The following MTA3 variants were observed in gnomAD, a reference collection of about 807,000 sequenced individuals.
MTA3 encodes the protein metastasis-associated protein MTA3.
Under a neutral mutation model 83.5 loss-of-function variants are expected in MTA3, and 34 were observed. The observed-to-expected ratio is 0.41, with a 90% CI of 0.31 to 0.54. The LOEUF is 0.54. Ranked by LOEUF, MTA3 falls within the 20% of genes least tolerant of loss-of-function variation. The pLI, the probability that MTA3 is intolerant of heterozygous loss-of-function variation, is 0.33. For missense variants in MTA3, 761 were observed against 726.4 expected (o/e 1.05, Z -0.55); for synonymous variants, 303 against 252.7 (o/e 1.20, Z -1.89).
intron 4 of MTA3, among the ~76,000 whole-genome samples, chr2:42,624,568 C>T (rs1389843255): frequency 1.3e-5 from 2 of 152,264 alleles, no homozygotes; most frequent in Admixed American, 6.5e-5. Context: ...CGTTGTGATC[C>T]ACCTGCCTCG....
chr2:42,584,476 C>G (rs1428085560), intron 3 of MTA3, among the ~76,000 whole-genome samples: 1 of 151,856 alleles, frequency 6.6e-6, no homozygotes, highest in Non-Finnish European at 1.5e-5. Context: ...CTTTATCATT[C>G]TATATATAAT....
At chr2:42,651,641 C>G (rs1688724824) in intron 6 of MTA3, among the ~76,000 whole-genome samples, 1 of 151,346 alleles carries the variant, frequency 6.6e-6, no homozygotes, top group Admixed American at 6.6e-5. Context: ...ACTAAAAATA[C>G]AAAAAATTAG....
At chr2:42,611,341 C>CACACACACACCCA (rs1462110821) in intron 4 of MTA3, among the ~76,000 whole-genome samples, 2 of 149,634 alleles carry the variant, frequency 1.3e-5, no homozygotes, top group South Asian at 2.1e-4. Context: ...ACACACACAC[C>CACACACACACCCA]CCCTCACACA....
intron 1 of MTA3, 64 bp downstream of exon 1, chr2:42,568,837 G>C: frequency 8.3e-7 from 1 of 1,208,606 alleles, no homozygotes; most frequent in Non-Finnish European, 1.0e-6. Context: ...GGGCCGGGGC[G>C]AGTGCACGCC....
rs1409383624 is a variant in MTA3, at chr2:42,755,345, C to A, written c.*1946C>A. ...TCAGCTGCCAGCTTCATTTTCTCTGCCTTTTGGGAGAGGCCCTCTCACCCA... is the reference window on the plus strand; with the variant it reads ...TCAGCTGCCAGCTTCATTTTCTCTGACTTTTGGGAGAGGCCCTCTCACCCA... On this transcript the variant is annotated 3_prime_UTR_variant, in exon 17 of 17. Coordinates refer to ENST00000405094, the MANE Select transcript of MTA3 (RefSeq NM_001330442.2). The A allele has an allele frequency of 6.7e-5, 66 of 985,366 alleles. No individual in the cohort carries two copies. Among genetic ancestry groups the A allele is most frequent in the Non-Finnish European group, 7.8e-5 (65 of 830,016 alleles). 61.0% of individuals were successfully genotyped at this position (985,366 alleles called of 1,614,324 possible).
intron 3 of MTA3, among the ~76,000 whole-genome samples, chr2:42,598,721 G>A (rs921842715): frequency 6.6e-6 from 1 of 152,130 alleles, no homozygotes; most frequent in East Asian, 1.9e-4. Context: ...CTTTACAAGG[G>A]ACTCATTAAT....
chr2:42,523,534 G>GACCTAGAC (rs1558412493), intron 2 of MTA3, among the ~76,000 whole-genome samples: 3 of 152,174 alleles, frequency 2.0e-5, no homozygotes. Context: ...GCTGCCTGCC[G>GACCTAGAC]ACCTAGACGC....
intron 2 of MTA3, among the ~76,000 whole-genome samples, chr2:42,508,816 T>C (rs1405985832): frequency 1.4e-5 from 2 of 146,712 alleles, no homozygotes; most frequent in African/African-American, 4.9e-5. Context: ...AAATTATATA[T>C]GATATATATG....
At chr2:42,745,842 T>G (rs1264854601) in intron 16 of MTA3, among the ~76,000 whole-genome samples, 1 of 151,004 alleles carries the variant, frequency 6.6e-6, no homozygotes, top group Non-Finnish European at 1.5e-5. Context: ...TGAGACAGAG[T>G]CTCGCTCTGT....
chr2:42,521,688 C>T (rs1675435537), intron 2 of MTA3, among the ~76,000 whole-genome samples: 1 of 151,180 alleles, frequency 6.6e-6, no homozygotes, highest in African/African-American at 2.4e-5. Context: ...TTGAGAAGCC[C>T]TTTGTCAGAC....
At chr2:42,529,868 G>A (rs1394639536) in intron 2 of MTA3, among the ~76,000 whole-genome samples, 1 of 152,144 alleles carries the variant, frequency 6.6e-6, no homozygotes, top group Non-Finnish European at 1.5e-5. Flanking sequence ...CAGATGAGTC[G>A]GTCAGAGAGG....
intron 15 of MTA3, among the ~76,000 whole-genome samples, 156 bp downstream of exon 15, chr2:42,719,230 T>G (rs1667238279): frequency 6.6e-6 from 1 of 152,146 alleles, no homozygotes; most frequent in South Asian, 2.1e-4. Flanking sequence ...TTTCAGAAAC[T>G]TTTATTACCA....
At chr2:42,737,740 T>C (rs1248701330) in intron 16 of MTA3, among the ~76,000 whole-genome samples, 2 of 152,110 alleles carry the variant, frequency 1.3e-5, no homozygotes, top group Admixed American at 1.3e-4. Context: ...CTCAAGAAGG[T>C]TGAAGAATTT....
chr2:42,739,195 C>G (rs548685391), intron 16 of MTA3, among the ~76,000 whole-genome samples: 5 of 152,254 alleles, frequency 3.3e-5, no homozygotes, highest in African/African-American at 9.6e-5. Flanking sequence ...ATGTCTCCCC[C>G]AGATGCCCAG....
At chr2:42,496,691 C>CTAG (rs1674152832) in intron 2 of MTA3, among the ~76,000 whole-genome samples, 1 of 151,192 alleles carries the variant, frequency 6.6e-6, no homozygotes, top group African/African-American at 2.4e-5. Flanking sequence ...GTGGCTGTAA[C>CTAG]TAGCCCGAGC....
intron 4 of MTA3, among the ~76,000 whole-genome samples, chr2:42,623,664 C>T (rs1685793173): frequency 6.7e-6 from 1 of 150,360 alleles, no homozygotes; most frequent in South Asian, 2.1e-4. Context: ...GGTATTTTAC[C>T]ATGCCCCTTG....
chr2:42,554,345 T>A (rs1251364357), intron 2 of MTA3, among the ~76,000 whole-genome samples: 2 of 152,258 alleles, frequency 1.3e-5, no homozygotes, highest in Non-Finnish European at 2.9e-5. Context: ...CAAGGTAACC[T>A]AGACTATGGT....
At chr2:42,549,272 G>A (rs557775602) in intron 2 of MTA3, among the ~76,000 whole-genome samples, 155 of 110,128 alleles carry the variant, frequency 1.4e-3, no homozygotes, top group Admixed American at 2.1e-3. Flanking sequence ...ATACGTGTAC[G>A]TATATATGTA....
intron 2 of MTA3, chr2:42,532,918 G>T: frequency 7.4e-6 from 2 of 269,020 alleles, no homozygotes; most frequent in Non-Finnish European, 7.2e-6. Flanking sequence ...TTTCCTTCAC[G>T]CGCTTCAGGA....
Sources: allele counts gnomAD v4.1 joint callset (sites outside exome capture counted in the v4.1 genomes callset), GRCh38; gene constraint gnomAD v4.1.1; transcripts MANE v1.5; gene names NCBI Gene and HGNC (gene_info 2026-07-23, HGNC 2026-07-21).